The following RABGAP1L variants were observed in gnomAD, a reference collection of about 807,000 sequenced individuals.
The protein encoded by RABGAP1L is RAB GTPase activating protein 1 like.
RABGAP1L carries 63 observed loss-of-function variants against 137.7 expected under a neutral mutation model. The observed-to-expected ratio is 0.46, with a 90% CI of 0.37 to 0.56. The LOEUF is 0.56. Ranked by LOEUF, RABGAP1L falls within the 20% of genes least tolerant of loss-of-function variation. The pLI, the probability that RABGAP1L is intolerant of heterozygous loss-of-function variation, is 0.00. For synonymous variants in RABGAP1L, 431 were observed against 433.7 expected (o/e 0.99, Z 0.08); for missense variants, 1,095 against 1,244.0 (o/e 0.88, Z 1.80).
At position 174,431,921 on chromosome 1, in the gene RABGAP1L, T is replaced by A. The variant is rs182843334; in HGVS notation, c.1710+37776T>A. Among the ~76,000 whole-genome samples the A allele has an allele frequency of 1.7e-3, 254 of 152,274 alleles. 3 individuals carry two copies. Among genetic ancestry groups the A allele is most frequent in the East Asian group, 6.6e-3 (34 of 5,188 alleles). On this transcript the variant is annotated intron_variant, in intron 13 of 25. Transcript: ENST00000681986. ...GTAATAGAGTAAAACAATTTTTTTT[T>A]AAAAACTTGGGATCATTTTTCTTTT... is the stretch of plus-strand genomic sequence containing the variant.
rs576636077 is a variant in RABGAP1L at position 174,501,126 on chromosome 1, G to A, written c.1710+106981G>A. 1.7e-4 allele frequency among the ~76,000 whole-genome samples: 26 copies of A among 152,134 alleles called. No individual in the cohort carries two copies. In the South Asian group the frequency reaches 5.4e-3, roughly 32 times the overall value. The stretch of plus-strand genomic sequence containing the variant: ...TCTGGAGTCAAAAATCTAGGGCAAG[G>A]CCAAAAGCTTGGGAAAGACACAGAA... On this transcript the variant is annotated intron_variant, in intron 13 of 25. Transcript: ENST00000681986.
chr1:174,615,066 C>T (rs935358013), intron 13 of RABGAP1L, among the ~76,000 whole-genome samples: 2 of 152,332 alleles, frequency 1.3e-5, no homozygotes, highest in South Asian at 2.1e-4. Context: ...CTGAAGCCTT[C>T]TTCTCTCAAC....
At chr1:174,435,397 A>AT (rs897629565) in intron 13 of RABGAP1L, among the ~76,000 whole-genome samples, 12 of 151,424 alleles carry the variant, frequency 7.9e-5, no homozygotes, top group South Asian at 2.1e-4. Context: ...TGCAGTTTCA[A>AT]TTTTTTTTTG....
intron 18 of RABGAP1L, among the ~76,000 whole-genome samples, chr1:174,771,938 G>A (rs562410029): frequency 1.3e-5 from 2 of 152,230 alleles, no homozygotes; most frequent in African/African-American, 2.4e-5. Context: ...ATTGGCCCAC[G>A]CCTATAATCC....
intron 20 of RABGAP1L, among the ~76,000 whole-genome samples, chr1:174,961,059 G>T (rs1013891101): frequency 6.6e-6 from 1 of 152,156 alleles, no homozygotes; most frequent in Non-Finnish European, 1.5e-5. Context: ...GATTCCAAGA[G>T]ACAGAAAGGA....
intron 15 of RABGAP1L, among the ~76,000 whole-genome samples, chr1:174,697,146 A>G (rs774511366): frequency 6.6e-6 from 1 of 152,212 alleles, no homozygotes; most frequent in Non-Finnish European, 1.5e-5. Context: ...TTCAGTGACT[A>G]TATGTATGAA....
At chr1:174,288,826 T>G (rs1676310732) in intron 10 of RABGAP1L, among the ~76,000 whole-genome samples, 1 of 152,206 alleles carries the variant, frequency 6.6e-6, no homozygotes, top group African/African-American at 2.4e-5. Flanking sequence ...CTTCGGATAC[T>G]TCTGGAATGC....
intron 19 of RABGAP1L, among the ~76,000 whole-genome samples, chr1:174,865,497 A>G (rs1050674325): frequency 1.3e-5 from 2 of 152,232 alleles, no homozygotes; most frequent in African/African-American, 4.8e-5. Flanking sequence ...GGGCAAATTT[A>G]TAGCATATTT....
At chr1:174,654,967 C>A (rs142670662) in intron 14 of RABGAP1L, among the ~76,000 whole-genome samples, 1 of 151,766 alleles carries the variant, frequency 6.6e-6, no homozygotes, top group Non-Finnish European at 1.5e-5. Flanking sequence ...TGATTAGATT[C>A]AACAGAGAAA....
At chr1:174,160,478 G>C (rs988600997) in intron 1 of RABGAP1L, among the ~76,000 whole-genome samples, 1 of 152,168 alleles carries the variant, frequency 6.6e-6, no homozygotes, top group Non-Finnish European at 1.5e-5. Context: ...AGTGTGTCCA[G>C]GTCCTTGGAT....
chr1:174,676,841 C>G (rs1017762990), intron 14 of RABGAP1L, among the ~76,000 whole-genome samples: 21 of 151,940 alleles, frequency 1.4e-4, no homozygotes, highest in African/African-American at 5.1e-4. Context: ...TTTTTCCTTC[C>G]TTCCTTCCTC....
intron 13 of RABGAP1L, among the ~76,000 whole-genome samples, chr1:174,636,232 C>G (rs570157311): frequency 6.6e-5 from 10 of 152,218 alleles, no homozygotes; most frequent in African/African-American, 2.4e-4. Flanking sequence ...CTAGGCTTAT[C>G]TTTAAAGAAG....
At chr1:174,746,606 A>C (rs1054510458) in intron 17 of RABGAP1L, among the ~76,000 whole-genome samples, 2 of 152,022 alleles carry the variant, frequency 1.3e-5, no homozygotes, top group African/African-American at 4.8e-5. Flanking sequence ...ATCCTTTAGG[A>C]AGTAGAGGAC....
At chr1:174,306,148 G>A (rs11805100) in intron 11 of RABGAP1L, among the ~76,000 whole-genome samples, 1,825 of 152,194 alleles carry the variant, frequency 0.012, 11 homozygotes, top group Non-Finnish European at 0.017. Context: ...CCACATTTTC[G>A]TAATCCAGTC....
intron 12 of RABGAP1L, among the ~76,000 whole-genome samples, chr1:174,385,091 G>C (rs1315997735): frequency 6.6e-6 from 1 of 152,156 alleles, no homozygotes; most frequent in African/African-American, 2.4e-5. Context: ...AGTGAAAAAT[G>C]GATTATAAGG....
rs186365218 is a variant in RABGAP1L, at chr1:174,586,473, A to G, written c.1711-50902A>G. Among the ~76,000 whole-genome samples the G allele has an allele frequency of 2.0e-4, 31 of 152,258 alleles. No individual in the cohort carries two copies. In the East Asian group the frequency reaches 5.0e-3, roughly 25 times the overall value. ...ACCTAGGTGATGGGTTGTTAAGTGC[A>G]GCAAACCACCATGACACACGTTTAC... On this transcript the variant is annotated intron_variant, in intron 13 of 25. Coordinates refer to ENST00000681986, the MANE Select transcript of RABGAP1L (RefSeq NM_001366446.1).
intron 17 of RABGAP1L, among the ~76,000 whole-genome samples, chr1:174,712,842 T>C (rs1680675913): frequency 1.3e-5 from 2 of 152,218 alleles, no homozygotes; most frequent in Non-Finnish European, 2.9e-5. Context: ...AGTGGCCTGC[T>C]GGTGTCTGCC....
At position 174,610,989 on chromosome 1, in the gene RABGAP1L, C is replaced by T. The variant is rs1053005482; in HGVS notation, c.1711-26386C>T. On this transcript the variant is annotated intron_variant, in intron 13 of 25. Coordinates refer to ENST00000681986, the MANE Select transcript of RABGAP1L (RefSeq NM_001366446.1). Reference sequence around the variant, plus strand: ...CAGATGAGTAGGTTGCGAAAATTTTCTCCCATTCTGTAGGTTGCCTGTTCA... The same window carrying T: ...CAGATGAGTAGGTTGCGAAAATTTTTTCCCATTCTGTAGGTTGCCTGTTCA... Among the ~76,000 whole-genome samples the T allele has an allele frequency of 7.2e-4, 108 of 150,858 alleles. 1 individual carries two copies. The highest frequency in any genetic ancestry group is 2.5e-3 in the African/African-American group (100 of 40,776).
intron 11 of RABGAP1L, among the ~76,000 whole-genome samples, chr1:174,327,993 A>ACGTATATATATATATATACG (rs1214166466): frequency 2.3e-4 from 14 of 60,496 alleles, no homozygotes; most frequent in African/African-American, 8.5e-4. Context: ...ACACATATAT[A>ACGTATATATATATATATACG]TATATATATA....
Sources: gnomAD v4.1 joint callset for allele counts (sites outside exome capture counted in the v4.1 genomes callset) on GRCh38, gnomAD v4.1.1 for gene constraint, MANE v1.5 for transcripts, NCBI Gene and HGNC (gene_info 2026-07-23, HGNC 2026-07-21) for gene names.